Variants in FXYD6 observed in about 807,000 individuals in gnomAD.
FXYD6 encodes FXYD domain containing ion transport regulator 6.
Under a neutral mutation model 16.7 loss-of-function variants are expected in FXYD6, and 7 were observed. That is an observed-to-expected ratio of 0.42 (90% CI 0.24 to 0.79). FXYD6 has a LOEUF of 0.79. FXYD6 is among the 30% of genes least tolerant of loss of function. FXYD6 has a pLI of 0.28. For synonymous variants in FXYD6, 49 were observed against 43.0 expected, an observed-to-expected ratio of 1.14 and a Z score of -0.54; for missense variants, 111 against 116.2, an observed-to-expected ratio of 0.95 and a Z score of 0.21.
chr11:117,854,922 A>T (rs964500229), intron 1 of FXYD6, among the ~76,000 whole-genome samples: 27 of 152,264 alleles, frequency 1.8e-4, no homozygotes, highest in African/African-American at 6.3e-4. Flanking sequence ...CATTTCATGC[A>T]GTAGTAACTG....
intron 4 of FXYD6, 152 bp from the exon 5 acceptor site, chr11:117,841,336 G>C: frequency 1.1e-6 from 1 of 944,706 alleles, no homozygotes. Context: ...CCTCGGATGG[G>C]GTAGCTTCTT....
chr11:117,858,628 CTTTT>C (rs754146146), intron 1 of FXYD6, among the ~76,000 whole-genome samples: 1 of 145,784 alleles, frequency 6.9e-6, no homozygotes, highest in African/African-American at 2.5e-5. Context: ...GCTTCATTTT[CTTTT>C]TTCTTTCTTT....
rs963753304 is a variant in FXYD6 at position 117,839,822 on chromosome 11, G to C, written c.268C>G (p.Pro90Ala). ...ENLITANATE[P>A]QKAEN Reference sequence around the variant, plus strand: ...GCACTTCAGTTCTCTGCTTTCTGGGGCTCTGTTGCTGGAAAGAAAACCAGA... The same window carrying C: ...GCACTTCAGTTCTCTGCTTTCTGGGCCTCTGTTGCTGGAAAGAAAACCAGA... Residue 90 changes from proline to alanine, a missense_variant, in exon 7 of 8, where the codon CCC becomes GCC. Coordinates refer to ENST00000526014, the MANE Select transcript of FXYD6 (RefSeq NM_022003.4). 6.2e-7 allele frequency: 1 copy of C among 1,614,168 alleles called. No individual in the cohort carries two copies. Among genetic ancestry groups the C allele is most frequent in the Admixed American group, 1.7e-5 (1 of 60,022 alleles).
intron 1 of FXYD6, among the ~76,000 whole-genome samples, chr11:117,867,122 G>C (rs1247669358): frequency 2.0e-5 from 3 of 152,178 alleles, no homozygotes; most frequent in Non-Finnish European, 2.9e-5. Flanking sequence ...GAGAAATTGG[G>C]GGAGAAAGAG....
At chr11:117,859,011 G>C (rs982557285) in intron 1 of FXYD6, among the ~76,000 whole-genome samples, 1 of 151,936 alleles carries the variant, frequency 6.6e-6, no homozygotes, top group Non-Finnish European at 1.5e-5. Context: ...CCTGACCTCC[G>C]GTGATCTGCC....
intron 4 of FXYD6, 71 bp from the exon 5 acceptor site, chr11:117,841,255 G>T: frequency 3.1e-6 from 5 of 1,607,552 alleles, no homozygotes; most frequent in South Asian, 2.2e-5. Flanking sequence ...GTCTGTGCAG[G>T]TTGTGGGACT....
chr11:117,872,850 C>G lies in FXYD6; in HGVS notation c.-6+3742G>C, dbSNP rs1377446563. On this transcript the variant is annotated intron_variant, in intron 1 of 7. Coordinates refer to ENST00000526014, the MANE Select transcript of FXYD6 (RefSeq NM_022003.4). This position sits in a 1 kb window ranked among gnomAD's most constrained non-coding sequence, Gnocchi z 4.9. ...CCAAATTGGTTCCATGCTTTTGTTT[C>G]GGCCGGAGATGTCCTGCCTCTCATC... Among the ~76,000 whole-genome samples, 1 of 152,302 alleles carries G rather than the reference C, an allele frequency of 6.6e-6. No individual in the cohort carries two copies. Among genetic ancestry groups the G allele is most frequent in the Admixed American group, 6.5e-5 (1 of 15,306 alleles).
intron 1 of FXYD6, among the ~76,000 whole-genome samples, chr11:117,864,862 G>A (rs1171482806): frequency 1.3e-5 from 2 of 152,218 alleles, no homozygotes; most frequent in Non-Finnish European, 2.9e-5. Context: ...TGGGATTACA[G>A]ACATGGGTCA....
chr11:117,873,050 G>A (rs1265834870), intron 1 of FXYD6, among the ~76,000 whole-genome samples: 1 of 152,082 alleles, frequency 6.6e-6, no homozygotes, highest in Non-Finnish European at 1.5e-5. Flanking sequence ...ACCGCCGCCC[G>A]CCTCCAGTGT....
At chr11:117,840,618 A>T (rs1038350029) in intron 5 of FXYD6, among the ~76,000 whole-genome samples, 7 of 152,150 alleles carry the variant, frequency 4.6e-5, no homozygotes, top group Non-Finnish European at 1.0e-4. Flanking sequence ...CTAGGGCCAC[A>T]TGGGGGCTTG....
chr11:117,876,563 C>T (rs1330559194), intron 1 of FXYD6, 29 bp downstream of exon 1: 3 of 152,596 alleles, frequency 2.0e-5, no homozygotes, highest in African/African-American at 4.8e-5. Flanking sequence ...AAAAAGGAGC[C>T]AACTTTGCCC....
At chr11:117,869,437 C>T (rs1471333667) in intron 1 of FXYD6, among the ~76,000 whole-genome samples, 1 of 152,232 alleles carries the variant, frequency 6.6e-6, no homozygotes, top group Admixed American at 6.5e-5. Flanking sequence ...CCCCTCCAAC[C>T]CTCATTCATG....
At chr11:117,849,223 A>G (rs2056547797) in intron 1 of FXYD6, among the ~76,000 whole-genome samples, 1 of 152,256 alleles carries the variant, frequency 6.6e-6, no homozygotes, top group South Asian at 2.1e-4. Flanking sequence ...TTCTCAGTAT[A>G]CTTTAAACCT....
At chr11:117,843,762 C>T (rs1171540796) in intron 1 of FXYD6, 5 of 152,238 alleles carry the variant, frequency 3.3e-5, no homozygotes, top group Non-Finnish European at 7.3e-5. Flanking sequence ...GTTCCACGAG[C>T]CTCAGCACCC....
chr11:117,850,796 T>C (rs1168630276), intron 1 of FXYD6, among the ~76,000 whole-genome samples: 2 of 151,914 alleles, frequency 1.3e-5, no homozygotes, highest in Non-Finnish European at 2.9e-5. Context: ...CCTAGCTTAG[T>C]GATTTTTTTT....
At chr11:117,841,657 G>A (rs1029441336) in intron 4 of FXYD6, 134 bp downstream of exon 4, 23 of 913,310 alleles carry the variant, frequency 2.5e-5, no homozygotes, top group Middle Eastern at 3.0e-4. Context: ...CTACTGGGTC[G>A]TGAAGATAAC....
intron 1 of FXYD6, among the ~76,000 whole-genome samples, chr11:117,856,846 C>T (rs1276012389): frequency 2.6e-5 from 4 of 152,064 alleles, no homozygotes; most frequent in African/African-American, 9.7e-5. Context: ...AGATGAGGTA[C>T]CTGATTCATC....
chr11:117,846,583 T>C (rs1437049206), intron 1 of FXYD6, among the ~76,000 whole-genome samples: 1 of 152,230 alleles, frequency 6.6e-6, no homozygotes, highest in African/African-American at 2.4e-5. Flanking sequence ...CTTTTTCCCG[T>C]AATGATAACT....
intron 1 of FXYD6, among the ~76,000 whole-genome samples, chr11:117,861,739 C>T (rs2056910822): frequency 6.6e-6 from 1 of 152,224 alleles, no homozygotes; most frequent in Non-Finnish European, 1.5e-5. Flanking sequence ...TCCCCCTTCC[C>T]TTCCTTTTAA....
Sources: allele counts gnomAD v4.1 joint callset (sites outside exome capture counted in the v4.1 genomes callset), GRCh38; gene constraint gnomAD v4.1.1; non-coding constraint Gnocchi (gnomAD v3.1); transcripts MANE v1.5; gene names NCBI Gene and HGNC (gene_info 2026-07-23, HGNC 2026-07-21).